Variants in CNTNAP2 observed in about 807,000 individuals in gnomAD.
CNTNAP2 encodes the protein contactin associated protein 2.
CNTNAP2 carries 98 observed loss-of-function variants against 155.2 expected under a neutral mutation model. That is an observed-to-expected ratio of 0.63 (90% CI 0.54 to 0.75). The LOEUF (loss-of-function observed/expected upper bound fraction) is 0.75. Among genes scored for constraint, CNTNAP2 ranks in the 30% least tolerant of loss-of-function variants. The pLI is 0.00. For synonymous variants in CNTNAP2, 651 were observed against 631.2 expected (o/e 1.03, Z -0.47); for missense variants, 1,727 against 1,688.1 (o/e 1.02, Z -0.40).
At chr7:148,247,659 A>ATTTTTTTTT (rs1490738748) in intron 20 of CNTNAP2, among the ~76,000 whole-genome samples, 1 of 123,202 alleles carries the variant, frequency 8.1e-6, no homozygotes, top group Non-Finnish European at 1.8e-5. Context: ...TTATTTATTT[A>ATTTTTTTTT]TTTATTTTTT....
intron 1 of CNTNAP2, among the ~76,000 whole-genome samples, chr7:146,730,310 C>T (rs772661398): frequency 6.6e-6 from 1 of 152,146 alleles, no homozygotes; most frequent in Non-Finnish European, 1.5e-5. Flanking sequence ...ATCACATTAA[C>T]TTTCATTGTC....
chr7:148,414,976 T>G (rs1347545098), intron 23 of CNTNAP2: 3 of 280,088 alleles, frequency 1.1e-5, no homozygotes, highest in East Asian at 8.6e-5. Flanking sequence ...CATAGCTCTC[T>G]CGCGCGCCCA....
intron 3 of CNTNAP2, among the ~76,000 whole-genome samples, chr7:147,006,257 T>A (rs2129242530): frequency 6.6e-6 from 1 of 152,170 alleles, no homozygotes; most frequent in South Asian, 2.1e-4. Flanking sequence ...AGGAGAAGTA[T>A]ACTAAACAAG....
intron 21 of CNTNAP2, among the ~76,000 whole-genome samples, chr7:148,342,830 G>GA (rs1466987631): frequency 2.0e-5 from 3 of 152,236 alleles, no homozygotes; most frequent in African/African-American, 7.2e-5. Flanking sequence ...CTATTTCAGT[G>GA]AAAATGCTAA....
chr7:146,463,604 ACACATGTATATACATATATG>A (rs1353741664), intron 1 of CNTNAP2, among the ~76,000 whole-genome samples: 1 of 152,130 alleles, frequency 6.6e-6, no homozygotes, highest in Non-Finnish European at 1.5e-5. Context: ...ATGCATATAT[ACACATGTATATACATATATG>A]CACATGTATG....
intron 17 of CNTNAP2, among the ~76,000 whole-genome samples, chr7:148,148,912 G>A (rs1314252377): frequency 1.3e-5 from 2 of 152,142 alleles, no homozygotes; most frequent in African/African-American, 4.8e-5. Flanking sequence ...CTGGAAATCA[G>A]CCCTTTCCAA....
chr7:146,183,926 G>T (rs1798585981), intron 1 of CNTNAP2, among the ~76,000 whole-genome samples: 1 of 152,150 alleles, frequency 6.6e-6, no homozygotes, highest in Non-Finnish European at 1.5e-5. Context: ...GCAGCTTGTA[G>T]TCCACAGTAG....
chr7:148,186,512 G>A (rs1452961957), intron 18 of CNTNAP2, among the ~76,000 whole-genome samples: 2 of 152,174 alleles, frequency 1.3e-5, no homozygotes, highest in Non-Finnish European at 2.9e-5. Context: ...TGTTCATGGA[G>A]AGCCCGGGAC....
At chr7:147,583,503 C>CATATATATATATATATATAT (rs71183019) in intron 12 of CNTNAP2, among the ~76,000 whole-genome samples, 3 of 129,166 alleles carry the variant, frequency 2.3e-5, no homozygotes, top group African/African-American at 9.0e-5. Context: ...AAAGACATGA[C>CATATATATATATATATATAT]ATATATATAT....
At chr7:146,886,928 G>A (rs1366396828) in intron 3 of CNTNAP2, among the ~76,000 whole-genome samples, 1 of 151,634 alleles carries the variant, frequency 6.6e-6, no homozygotes, top group Non-Finnish European at 1.5e-5. Context: ...TAATTTGCCA[G>A]TGAGTGACGT....
chr7:148,277,147 T>C (rs1796883752), intron 21 of CNTNAP2, among the ~76,000 whole-genome samples: 1 of 152,102 alleles, frequency 6.6e-6, no homozygotes, highest in Admixed American at 6.5e-5. Context: ...AGCTTTAGCA[T>C]TCTAATGATA....
At chr7:147,242,172 A>G (rs1295441894) in intron 8 of CNTNAP2, among the ~76,000 whole-genome samples, 1 of 152,030 alleles carries the variant, frequency 6.6e-6, no homozygotes, top group Non-Finnish European at 1.5e-5. Context: ...CTTTTATTCT[A>G]CCTCAACATC....
intron 13 of CNTNAP2, among the ~76,000 whole-genome samples, chr7:147,741,491 T>C (rs542405940): frequency 1.3e-5 from 2 of 152,310 alleles, no homozygotes; most frequent in South Asian, 4.1e-4. Flanking sequence ...GGAAATAAAA[T>C]ATGTGAAAAA....
chr7:146,741,722 A>T (rs868455791), intron 1 of CNTNAP2, among the ~76,000 whole-genome samples: 34 of 152,192 alleles, frequency 2.2e-4, no homozygotes, highest in African/African-American at 8.0e-4. Flanking sequence ...TAAAAGGTTA[A>T]TATGAAGGAT....
intron 13 of CNTNAP2, among the ~76,000 whole-genome samples, chr7:147,812,084 T>C (rs1332381890): frequency 6.6e-6 from 1 of 152,112 alleles, no homozygotes; most frequent in Non-Finnish European, 1.5e-5. Context: ...GGAATTGGCC[T>C]CAGGAAGGAG....
chr7:146,774,464 C>A, intron 2 of CNTNAP2, 83 bp downstream of exon 2: 1 of 964,740 alleles, frequency 1.0e-6, no homozygotes. Context: ...TATATAATCA[C>A]ACAACAGATG....
chr7:147,601,647 AT>A (rs1563016566), intron 12 of CNTNAP2, among the ~76,000 whole-genome samples: 21,631 of 68,724 alleles, frequency 0.31, 1,985 homozygotes, highest in Admixed American at 0.39. Flanking sequence ...AAAAAAAAAT[AT>A]ATATATATAT....
chr7:147,748,403 G>A (rs1525260), intron 13 of CNTNAP2, among the ~76,000 whole-genome samples: 1,666 of 152,118 alleles, frequency 0.011, 96 homozygotes, highest in Admixed American at 0.087. Flanking sequence ...AGAGTTGAAA[G>A]GTAAGTCCAA....
intron 21 of CNTNAP2, among the ~76,000 whole-genome samples, chr7:148,331,581 A>ATGGACGGATGGATTGGATGGATGGAG (rs1491438526): frequency 1.6e-3 from 9 of 5,750 alleles, no homozygotes; most frequent in Non-Finnish European, 2.1e-3. Context: ...GATGGATGGA[A>ATGGACGGATGGATTGGATGGATGGAG]TGGATGGATG....
Sources: gnomAD v4.1 joint callset for allele counts (sites outside exome capture counted in the v4.1 genomes callset) on GRCh38, gnomAD v4.1.1 for gene constraint, MANE v1.5 for transcripts, NCBI Gene and HGNC (gene_info 2026-07-23, HGNC 2026-07-21) for gene names.